Variants in FLRT2 observed in about 807,000 individuals in gnomAD.
FLRT2 encodes leucine-rich repeat transmembrane protein FLRT2.
FLRT2 carries 15 observed loss-of-function variants against 40.0 expected under a neutral mutation model. That is an observed-to-expected ratio of 0.38 (90% CI 0.25 to 0.58). The LOEUF (loss-of-function observed/expected upper bound fraction) is 0.58, where lower values mean the gene tolerates loss of function less well. Ranked by LOEUF, FLRT2 falls within the 20% of genes least tolerant of loss-of-function variation. The probability of loss-of-function intolerance (pLI) is 0.71; values close to 1 mark genes in which losing one functional copy is unlikely to be tolerated. For synonymous variants in FLRT2, 380 were observed against 336.8 expected (o/e 1.13, Z -1.41); for missense variants, 726 against 840.0 (o/e 0.86, Z 1.68).
rs1269367060 is a variant in FLRT2 at position 85,654,129 on chromosome 14, A to T, written c.*30632A>T. 2 of 152,178 alleles carry T rather than the reference A, an allele frequency of 1.3e-5. No individual in the cohort carries two copies. Among genetic ancestry groups the T allele is most frequent in the African/African-American group, 2.4e-5 (1 of 41,452 alleles). The allele number at this position is 152,178 out of a possible 1,614,324, so 9.4% of individuals were successfully genotyped here. A position where few individuals can be genotyped will look rare whatever the true frequency, so the allele number is the denominator to read the frequency against. On this transcript the variant is annotated 3_prime_UTR_variant, in exon 2 of 2. Transcript: ENST00000330753. ...AGATAATACCTTGATGTTTATGTCTATGCCAAACTTGCTCTGCTGAGTTCC... is the reference window on the plus strand; with the variant it reads ...AGATAATACCTTGATGTTTATGTCTTTGCCAAACTTGCTCTGCTGAGTTCC...
At chr14:85,605,098 C>A (rs1345605542) in intron 1 of FLRT2, among the ~76,000 whole-genome samples, 1 of 152,168 alleles carries the variant, frequency 6.6e-6, no homozygotes, top group Non-Finnish European at 1.5e-5. Context: ...TTCATCTTTT[C>A]TTTTAATATC....
chr14:85,582,212 T>C (rs75207607), intron 1 of FLRT2, among the ~76,000 whole-genome samples: 3,959 of 152,254 alleles, frequency 0.026, 113 homozygotes, highest in East Asian at 0.1. Flanking sequence ...CATATGAGCA[T>C]TATTCTGATA....
intron 1 of FLRT2, among the ~76,000 whole-genome samples, chr14:85,608,662 T>C (rs1352406643): frequency 1.3e-5 from 2 of 152,156 alleles, no homozygotes; most frequent in Non-Finnish European, 2.9e-5. Flanking sequence ...TTTCTTAAAG[T>C]TTTTGTGTTT....
Position 85,647,783 on chromosome 14 carries a change from TA to T in FLRT2, c.*24288del, listed in dbSNP as rs922259757. Reference sequence around the variant, plus strand: ...CGCAACCACATACAGGCAGAACCACTAAGAGTAAAAACCCCTCAGGAATTAG... The same window carrying T: ...CGCAACCACATACAGGCAGAACCACTAGAGTAAAAACCCCTCAGGAATTAG... On this transcript the variant is annotated 3_prime_UTR_variant, in exon 2 of 2. Coordinates refer to ENST00000330753, the MANE Select transcript of FLRT2 (RefSeq NM_013231.6). The T allele has an allele frequency of 6.6e-6, 1 of 152,126 alleles. No homozygotes were observed. Among genetic ancestry groups the T allele is most frequent in the African/African-American group, 2.4e-5 (1 of 41,430 alleles). 9.4% of individuals were successfully genotyped at this position (152,126 alleles called of 1,614,324 possible).
At chr14:85,554,323 A>G (rs1338847846) in intron 1 of FLRT2, among the ~76,000 whole-genome samples, 1 of 152,254 alleles carries the variant, frequency 6.6e-6, no homozygotes, top group Non-Finnish European at 1.5e-5. Flanking sequence ...TCAGTGAGTC[A>G]TCACAGACCA....
intron 1 of FLRT2, among the ~76,000 whole-genome samples, chr14:85,600,585 G>A (rs972811825): frequency 1.3e-5 from 2 of 152,148 alleles, no homozygotes; most frequent in Admixed American, 1.3e-4. Context: ...TCTAATCCTT[G>A]CAGAGAAGTC....
At chr14:85,538,131 C>A (rs762819165) in intron 1 of FLRT2, among the ~76,000 whole-genome samples, 8 of 152,114 alleles carry the variant, frequency 5.3e-5, no homozygotes, top group Non-Finnish European at 1.0e-4. Context: ...TTTTCAAATA[C>A]CACCTCTAAC....
chr14:85,607,904 G>A (rs966730696), intron 1 of FLRT2, among the ~76,000 whole-genome samples: 3 of 151,890 alleles, frequency 2.0e-5, no homozygotes, highest in South Asian at 2.1e-4. Context: ...TCAAGCTGTC[G>A]GCAGGGCTGG....
chr14:85,616,018 G>C (rs899100944), intron 1 of FLRT2, among the ~76,000 whole-genome samples: 1 of 152,132 alleles, frequency 6.6e-6, no homozygotes, highest in South Asian at 2.1e-4. Flanking sequence ...CATGACTTTC[G>C]TGCTTTGAGT....
chr14:85,613,089 T>C (rs1476631171), intron 1 of FLRT2, among the ~76,000 whole-genome samples: 1 of 152,102 alleles, frequency 6.6e-6, no homozygotes, highest in Non-Finnish European at 1.5e-5. Flanking sequence ...TGTGGAATGG[T>C]AAAGTAGTAT....
At chr14:85,560,005 G>A (rs1053412824) in intron 1 of FLRT2, among the ~76,000 whole-genome samples, 1 of 152,124 alleles carries the variant, frequency 6.6e-6, no homozygotes, top group Non-Finnish European at 1.5e-5. Flanking sequence ...CTCCCCTCAA[G>A]AATTTCAACA....
chr14:85,584,196 TA>T (rs1891516300), intron 1 of FLRT2, among the ~76,000 whole-genome samples: 2 of 152,298 alleles, frequency 1.3e-5, no homozygotes, highest in African/African-American at 4.8e-5. Flanking sequence ...GCTCCTTAGC[TA>T]CTTGCCTAGC....
chr14:85,605,166 C>T (rs2638794), intron 1 of FLRT2, among the ~76,000 whole-genome samples: 125,382 of 152,174 alleles, frequency 0.82, 51,691 homozygotes, highest in East Asian at 0.87. Context: ...ACCCCCTCTT[C>T]CTATTGTCAA....
At chr14:85,587,303 A>AAAAAG (rs1555368490) in intron 1 of FLRT2, among the ~76,000 whole-genome samples, 13 of 147,582 alleles carry the variant, frequency 8.8e-5, no homozygotes, top group South Asian at 2.1e-4. Flanking sequence ...AAAAAAAAAA[A>AAAAAG]AAGAAGAAAG....
At position 85,652,188 on chromosome 14, in the gene FLRT2, T is replaced by C. The variant is rs2139412320; in HGVS notation, c.*28691T>C. 6.6e-6 allele frequency: 1 copy of C among 152,278 alleles called. No homozygotes were observed. Among genetic ancestry groups the C allele is most frequent in the East Asian group, 1.9e-4 (1 of 5,188 alleles). 9.4% of individuals were successfully genotyped at this position (152,278 alleles called of 1,614,324 possible). A position where few individuals can be genotyped will look rare whatever the true frequency, so the allele number is the denominator to read the frequency against. ...TTCATAAACATATTAAAGTCAATTA[T>C]AATTCTGTTTTTAATGACCTTATTA... On this transcript the variant is annotated 3_prime_UTR_variant, in exon 2 of 2. Transcript: ENST00000330753.
intron 1 of FLRT2, among the ~76,000 whole-genome samples, chr14:85,615,839 C>T (rs969344411): frequency 1.5e-5 from 2 of 135,696 alleles, no homozygotes; most frequent in Non-Finnish European, 3.2e-5. Flanking sequence ...CCTTGTCATT[C>T]TATTACGCGA....
At chr14:85,616,474 G>A in intron 1 of FLRT2, among the ~76,000 whole-genome samples, 1 of 152,306 alleles carries the variant, frequency 6.6e-6, no homozygotes, top group South Asian at 2.1e-4. Flanking sequence ...CTACCTCAGT[G>A]AGAAGCGGAC....
chr14:85,553,718 A>T (rs1013413720), intron 1 of FLRT2, among the ~76,000 whole-genome samples: 2 of 152,260 alleles, frequency 1.3e-5, no homozygotes, highest in African/African-American at 4.8e-5. Context: ...GGAGAAAGAG[A>T]AAGGGAAAAA....
rs1052654658 is a variant in FLRT2, at chr14:85,633,726, G to C, written c.*10229G>C. The C allele has an allele frequency of 9.2e-5, 14 of 151,520 alleles. No individual in the cohort carries two copies. The highest frequency in any genetic ancestry group is 3.4e-4 in the African/African-American group (14 of 41,300). The allele number at this position is 151,520 out of a possible 1,614,324, so 9.4% of individuals were successfully genotyped here. A position where few individuals can be genotyped will look rare whatever the true frequency, so the allele number is the denominator to read the frequency against. On this transcript the variant is annotated 3_prime_UTR_variant, in exon 2 of 2. Coordinates refer to ENST00000330753, the MANE Select transcript of FLRT2 (RefSeq NM_013231.6). ...GAAGCAGGAGGGTCACTTGAGCCCA[G>C]GAGATCAAGATTACATTGAGCTCTG... is the stretch of plus-strand genomic sequence containing the variant.
Sources: allele counts gnomAD v4.1 joint callset (sites outside exome capture counted in the v4.1 genomes callset), GRCh38; gene constraint gnomAD v4.1.1; transcripts MANE v1.5; gene names NCBI Gene and HGNC (gene_info 2026-07-23, HGNC 2026-07-21).